The following RPTOR variants were observed in gnomAD, a reference collection of about 807,000 sequenced individuals.
RPTOR encodes the protein regulatory associated protein of MTOR complex 1.
A neutral mutation model predicts 169.9 loss-of-function variants in RPTOR; 21 were observed. The ratio of observed to expected loss-of-function variants is 0.12; its 90% CI spans 0.09 to 0.18. The LOEUF is 0.18. RPTOR is among the 10% of genes least tolerant of loss of function. RPTOR has a pLI of 1.00. For missense variants in RPTOR, 1,133 were observed against 1,855.9 expected (o/e 0.61, Z 7.16); for synonymous variants, 732 against 753.2 (o/e 0.97, Z 0.46).
At chr17:80,749,761 G>A (rs2066613541) in intron 5 of RPTOR, among the ~76,000 whole-genome samples, 1 of 152,134 alleles carries the variant, frequency 6.6e-6, no homozygotes. Flanking sequence ...CACCCAGGCT[G>A]GAGTGCAGTG....
intron 3 of RPTOR, among the ~76,000 whole-genome samples, chr17:80,689,878 A>G (rs1416573683): frequency 6.6e-6 from 1 of 152,162 alleles, no homozygotes; most frequent in Non-Finnish European, 1.5e-5. Context: ...CTTTGCTAAA[A>G]ACACATTTAA....
At chr17:80,547,587 G>T (rs9916171) in intron 1 of RPTOR, among the ~76,000 whole-genome samples, 95,024 of 151,972 alleles carry the variant, frequency 0.63, 30,534 homozygotes, top group Middle Eastern at 0.72. Flanking sequence ...CTGTTTTTCG[G>T]TGGAGAAAAT....
intron 5 of RPTOR, among the ~76,000 whole-genome samples, chr17:80,743,920 CTA>C (rs1278165891): frequency 2.7e-5 from 2 of 74,704 alleles, no homozygotes; most frequent in African/African-American, 6.4e-5. Context: ...GCCCTGGTTA[CTA>C]GCAGAGCCCT....
chr17:80,867,361 T>TA (rs2068004756), intron 13 of RPTOR, among the ~76,000 whole-genome samples: 1 of 123,582 alleles, frequency 8.1e-6, no homozygotes, highest in Admixed American at 8.0e-5. Flanking sequence ...CACTTCTGAT[T>TA]TAAAAAAAAA....
At chr17:80,849,638 C>T (rs950411362) in intron 11 of RPTOR, among the ~76,000 whole-genome samples, 5 of 152,210 alleles carry the variant, frequency 3.3e-5, no homozygotes, top group Admixed American at 1.3e-4. Context: ...TCTGCCTCAG[C>T]CTCCCAAGTA....
At chr17:80,934,006 A>G (rs1033264581) in intron 24 of RPTOR, among the ~76,000 whole-genome samples, 2 of 151,490 alleles carry the variant, frequency 1.3e-5, no homozygotes, top group East Asian at 1.9e-4. Context: ...CAGCGGTGCA[A>G]TACCTTCCAT....
At chr17:80,914,437 C>T (rs115194308) in intron 21 of RPTOR, among the ~76,000 whole-genome samples, 1,813 of 152,292 alleles carry the variant, frequency 0.012, 20 homozygotes, top group South Asian at 0.044. Flanking sequence ...GGACCAGGAG[C>T]GGGCAGGAGC....
intron 1 of RPTOR, among the ~76,000 whole-genome samples, chr17:80,599,869 A>G (rs1189372455): frequency 6.6e-6 from 1 of 152,138 alleles, no homozygotes; most frequent in African/African-American, 2.4e-5. Context: ...GTATTTAATG[A>G]ACTTGCTCAT....
chr17:80,925,083 C>T (rs978368645), intron 23 of RPTOR, among the ~76,000 whole-genome samples: 1 of 152,204 alleles, frequency 6.6e-6, no homozygotes, highest in Non-Finnish European at 1.5e-5. Flanking sequence ...ATTGTCTGAA[C>T]AGTCAGTTAG....
intron 2 of RPTOR, among the ~76,000 whole-genome samples, chr17:80,636,719 C>T (rs1349044130): frequency 6.6e-6 from 1 of 152,054 alleles, no homozygotes; most frequent in African/African-American, 2.4e-5. Context: ...ACCCACACCC[C>T]CGCAACACGC....
At chr17:80,893,955 A>G (rs1401894493) in intron 20 of RPTOR, 90 bp downstream of exon 20, 12 of 1,280,652 alleles carry the variant, frequency 9.4e-6, no homozygotes, top group Non-Finnish European at 1.2e-5. Context: ...GCATCAGGTC[A>G]GTGGGTGTCA....
At chr17:80,763,324 G>A (rs1385971106) in intron 6 of RPTOR, among the ~76,000 whole-genome samples, 2 of 152,112 alleles carry the variant, frequency 1.3e-5, no homozygotes, top group African/African-American at 4.8e-5. Context: ...AGAGAAATAC[G>A]AGCTAAAAGA....
chr17:80,727,597 G>A (rs1033496662), intron 4 of RPTOR, among the ~76,000 whole-genome samples: 3 of 152,166 alleles, frequency 2.0e-5, no homozygotes, highest in Non-Finnish European at 2.9e-5. Context: ...GAACGTGGAC[G>A]CTGCACCTCT....
Position 80,620,698 on chromosome 17 carries a change from G to A in RPTOR, c.163-4993G>A, listed in dbSNP as rs149087703. Among the ~76,000 whole-genome samples the A allele has an allele frequency of 6.6e-3, 1,004 of 152,346 alleles. 11 individuals are homozygous for A. Among genetic ancestry groups the A allele is most frequent in the African/African-American group, 0.023 (950 of 41,586 alleles). ...GGAGAATCGCTAGAACCCAGGAGGT[G>A]GAGGTTGCGGTGAGCCGAGATCGTG... is the stretch of plus-strand genomic sequence containing the variant. On this transcript the variant is annotated intron_variant, in intron 1 of 33. Transcript: ENST00000306801.
At chr17:80,756,114 T>C (rs2143344646) in intron 6 of RPTOR, among the ~76,000 whole-genome samples, 1 of 152,354 alleles carries the variant, frequency 6.6e-6, no homozygotes, top group East Asian at 1.9e-4. Context: ...CGCAACAGTG[T>C]TGGGAGGTGA....
chr17:80,771,046 C>G (rs148006069), intron 6 of RPTOR, among the ~76,000 whole-genome samples: 2 of 152,240 alleles, frequency 1.3e-5, no homozygotes, highest in African/African-American at 4.8e-5. Context: ...GAGCCGTCAG[C>G]CTCACTGGCC....
chr17:80,812,647 T>C (rs1003504560), intron 7 of RPTOR, among the ~76,000 whole-genome samples: 2 of 152,208 alleles, frequency 1.3e-5, no homozygotes, highest in African/African-American at 4.8e-5. Context: ...GCTCAACCCC[T>C]GGCTTCCCCT....
At chr17:80,797,968 C>G (rs1307698735) in intron 7 of RPTOR, among the ~76,000 whole-genome samples, 1 of 152,234 alleles carries the variant, frequency 6.6e-6, no homozygotes, top group East Asian at 1.9e-4. Flanking sequence ...TCATCAAGCT[C>G]TACTGATGAA....
chr17:80,909,392 A>G (rs1344273755), intron 21 of RPTOR, among the ~76,000 whole-genome samples: 1 of 150,434 alleles, frequency 6.6e-6, no homozygotes, highest in Non-Finnish European at 1.5e-5. Context: ...TTGTTTTTGT[A>G]AGACAGTCTC....
Sources: allele counts gnomAD v4.1 joint callset (sites outside exome capture counted in the v4.1 genomes callset), GRCh38; gene constraint gnomAD v4.1.1; transcripts MANE v1.5; gene names NCBI Gene and HGNC (gene_info 2026-07-23, HGNC 2026-07-21).